ENTPD5: variants seen among roughly 807,000 people sequenced by gnomAD.
ENTPD5 encodes nucleoside diphosphate phosphatase ENTPD5.
ENTPD5 carries 49 observed loss-of-function variants against 60.2 expected under a neutral mutation model. The ratio of observed to expected loss-of-function variants is 0.81; its 90% CI spans 0.65 to 1.03. The LOEUF (loss-of-function observed/expected upper bound fraction) is 1.03. Ranked by LOEUF, ENTPD5 falls within the 50% of genes least tolerant of loss-of-function variation. The pLI is 0.00. For missense variants in ENTPD5, 480 were observed against 507.6 expected (o/e 0.95, Z 0.52); for synonymous variants, 187 against 185.4 (o/e 1.01, Z -0.07).
At chr14:73,958,861 T>A (rs768973567), downstream of ENTPD5, 4 of 1,551,712 alleles carry the variant, frequency 2.6e-6, no homozygotes, top group Non-Finnish European at 3.5e-6. Flanking sequence ...GATGGAATTA[T>A]CCTGCCACAC....
intron 14 of ENTPD5, among the ~76,000 whole-genome samples, chr14:73,971,488 C>T (rs2057223558): frequency 6.6e-6 from 1 of 152,088 alleles, no homozygotes; most frequent in Non-Finnish European, 1.5e-5. Flanking sequence ...CATATTCTTG[C>T]CCATAATTCT....
chr14:73,959,452 C>T, downstream of ENTPD5: 2 of 1,614,192 alleles, frequency 1.2e-6, no homozygotes, highest in Non-Finnish European at 1.7e-6. Flanking sequence ...TGGTCCACGT[C>T]CCATGAACAT....
chr14:73,979,620 T>C (rs971790018), intron 6 of ENTPD5, among the ~76,000 whole-genome samples: 2 of 151,838 alleles, frequency 1.3e-5, no homozygotes, highest in African/African-American at 4.8e-5. Context: ...TACAGGTGCC[T>C]ACCACCACGC....
chr14:73,957,427 A>G (rs2056491078), downstream of ENTPD5, among the ~76,000 whole-genome samples: 1 of 152,184 alleles, frequency 6.6e-6, no homozygotes, highest in South Asian at 2.1e-4. Flanking sequence ...ACTGACTGAC[A>G]TACAAAAAGC....
Position 73,972,921 on chromosome 14 carries a change from A to T in ENTPD5, c.990T>A (p.Ser330=), listed in dbSNP as rs1211347062. Residue 330 remains serine (S), a synonymous_variant, in exon 13 of 16, where the codon TCT becomes TCA. Coordinates refer to ENST00000334696, the MANE Select transcript of ENTPD5 (RefSeq NM_001249.5). ...TGTCAACAGCTCGGTCATAATAGTA[A>T]GAGAAAGCATAGAAGGAACCTCTCT... The part of the protein sequence containing the change: ...EVQRGSFYAF[S]YYYDRAVDTD... The T allele has an allele frequency of 6.2e-7, 1 of 1,614,114 alleles. No individual in the cohort carries two copies. Among genetic ancestry groups the T allele is most frequent in the African/African-American group, 1.3e-5 (1 of 74,946 alleles).
intron 3 of ENTPD5, among the ~76,000 whole-genome samples, chr14:73,994,944 C>T (rs747504206): frequency 6.6e-6 from 1 of 151,830 alleles, no homozygotes; most frequent in Non-Finnish European, 1.5e-5. Context: ...CTCCACAGGA[C>T]TTTTTACCAT....
chr14:73,997,235 G>A (rs531157218), intron 3 of ENTPD5, among the ~76,000 whole-genome samples: 1 of 152,258 alleles, frequency 6.6e-6, no homozygotes, highest in South Asian at 2.1e-4. Flanking sequence ...CAGAGTGAGG[G>A]AAAATGGCTC....
intron 12 of ENTPD5, among the ~76,000 whole-genome samples, chr14:73,973,464 C>T (rs1487005371): frequency 6.6e-6 from 1 of 152,210 alleles, no homozygotes; most frequent in Non-Finnish European, 1.5e-5. Flanking sequence ...CAGGCTTTCA[C>T]ACTGCTGCAT....
chr14:73,955,956 T>G, downstream of ENTPD5: 1 of 1,613,658 alleles, frequency 6.2e-7, no homozygotes. Context: ...CACCTTGCAT[T>G]CATTGGGAAG....
downstream of ENTPD5, chr14:73,956,141 G>T (rs572871584): frequency 8.0e-6 from 4 of 502,444 alleles, no homozygotes; most frequent in East Asian, 1.3e-4. Context: ...TGGCTAACAT[G>T]GTGAAACCCT....
At chr14:74,003,879 T>C (rs1386040890) in intron 3 of ENTPD5, among the ~76,000 whole-genome samples, 1 of 151,852 alleles carries the variant, frequency 6.6e-6, no homozygotes, top group Non-Finnish European at 1.5e-5. Flanking sequence ...GGAGGATCAC[T>C]GGAGCCCAGG....
chr14:73,995,104 AGTTGTG>A (rs1022670627), intron 3 of ENTPD5, among the ~76,000 whole-genome samples: 20 of 148,484 alleles, frequency 1.3e-4, no homozygotes, highest in African/African-American at 5.0e-4. Context: ...GCTGGAGTGC[AGTTGTG>A]CAATCTCACC....
chr14:74,014,365 A>G (rs73303113), intron 2 of ENTPD5, among the ~76,000 whole-genome samples: 11,370 of 149,570 alleles, frequency 0.076, 581 homozygotes, highest in South Asian at 0.26. Context: ...CAACAGAGTG[A>G]GATCCAGTCT....
chr14:74,015,709 G>T (rs2058997618), intron 2 of ENTPD5, 115 bp downstream of exon 2: 1 of 151,802 alleles, frequency 6.6e-6, no homozygotes, highest in Admixed American at 6.6e-5. Flanking sequence ...TGGCTTGTTG[G>T]ACAAAATTAA....
At chr14:73,969,343 G>A (rs2057119467) in intron 15 of ENTPD5, among the ~76,000 whole-genome samples, 2 of 152,102 alleles carry the variant, frequency 1.3e-5, no homozygotes, top group South Asian at 4.1e-4. Flanking sequence ...TGTCTTCTGT[G>A]TTCACCTCTC....
intron 3 of ENTPD5, among the ~76,000 whole-genome samples, chr14:73,999,144 A>G (rs1413797967): frequency 6.6e-6 from 1 of 152,180 alleles, no homozygotes; most frequent in Non-Finnish European, 1.5e-5. Context: ...AGTCTGGCAG[A>G]GGTGGCAGAC....
chr14:73,990,040 C>A (rs2058071124), intron 3 of ENTPD5, among the ~76,000 whole-genome samples: 1 of 151,704 alleles, frequency 6.6e-6, no homozygotes, highest in African/African-American at 2.4e-5. Context: ...AATAAATTAG[C>A]CAGGTATGGT....
At chr14:73,972,157 T>C (rs1291873484) in intron 13 of ENTPD5, among the ~76,000 whole-genome samples, 1 of 152,128 alleles carries the variant, frequency 6.6e-6, no homozygotes, top group Middle Eastern at 3.4e-3. Context: ...GGAAGGCAGA[T>C]AACGAGGTCA....
intron 5 of ENTPD5, among the ~76,000 whole-genome samples, chr14:73,985,716 C>G (rs1342100270): frequency 1.3e-5 from 2 of 152,018 alleles, no homozygotes; most frequent in African/African-American, 4.8e-5. Flanking sequence ...ATGGTAGTTT[C>G]TTTTGAACAG....
Sources: gnomAD v4.1 joint callset for allele counts (sites outside exome capture counted in the v4.1 genomes callset) on GRCh38, gnomAD v4.1.1 for gene constraint, MANE v1.5 for transcripts, NCBI Gene and HGNC (gene_info 2026-07-23, HGNC 2026-07-21) for gene names.